Variants in RBM20 observed in about 807,000 individuals in gnomAD.
RBM20 encodes RNA binding motif protein 20, also known as RNA-binding protein 20.
In RBM20, 51 loss-of-function variants were observed where a neutral mutation model predicts 110.1. The observed-to-expected ratio is 0.46, with a 90% confidence interval of 0.37 to 0.59. The LOEUF (loss-of-function observed/expected upper bound fraction) is 0.59, where lower values mean the gene tolerates loss of function less well. RBM20 is among the 20% of genes least tolerant of loss of function. The pLI is 0.00. For synonymous variants in RBM20, 589 were observed against 618.2 expected (o/e 0.95, Z 0.70); for missense variants, 1,512 against 1,574.9 (o/e 0.96, Z 0.68).
intron 1 of RBM20, among the ~76,000 whole-genome samples, chr10:110,692,283 A>T (rs975294986): frequency 6.6e-6 from 1 of 152,124 alleles, no homozygotes; most frequent in Non-Finnish European, 1.5e-5. Context: ...GAAGTTTAGG[A>T]TAAATTTTTC....
At chr10:110,703,295 TTGACC>T in intron 1 of RBM20, among the ~76,000 whole-genome samples, 1 of 151,712 alleles carries the variant, frequency 6.6e-6, no homozygotes, top group African/African-American at 2.4e-5. Flanking sequence ...GGACAATCGC[TTGACC>T]CCAGGAGGCG....
chr10:110,728,965 T>A (rs1225317683), intron 1 of RBM20, among the ~76,000 whole-genome samples: 2 of 152,194 alleles, frequency 1.3e-5, no homozygotes, highest in Non-Finnish European at 2.9e-5. Flanking sequence ...TTGGGCAGAA[T>A]TTCTTCACTG....
chr10:110,712,626 G>A (rs1268460942), intron 1 of RBM20, among the ~76,000 whole-genome samples: 3 of 152,150 alleles, frequency 2.0e-5, no homozygotes, highest in Non-Finnish European at 2.9e-5. Flanking sequence ...AATTAGCAGG[G>A]CGTGGCAGTG....
intron 5 of RBM20, among the ~76,000 whole-genome samples, chr10:110,797,059 T>A (rs1190672650): frequency 2.0e-4 from 31 of 152,220 alleles, no homozygotes; most frequent in Admixed American, 2.0e-3. Context: ...AGTTTACAGA[T>A]ACTCAACCTC....
At position 110,761,451 on chromosome 10, in the gene RBM20, T is replaced by A. The variant is rs143873963; in HGVS notation, c.192-19350T>A. On this transcript the variant is annotated intron_variant, in intron 1 of 13. Transcript: ENST00000369519. ...ATAGTAAATGAATAGTAAATATCACTTTTTAATGGCAGCATAGTATGTCCT... is the reference window on the plus strand; with the variant it reads ...ATAGTAAATGAATAGTAAATATCACATTTTAATGGCAGCATAGTATGTCCT... Among the ~76,000 whole-genome samples, 830 of 150,960 alleles carry A rather than the reference T, an allele frequency of 5.5e-3. 6 individuals carry two copies. Among genetic ancestry groups the A allele is most frequent in the African/African-American group, 0.019 (793 of 41,068 alleles).
intron 1 of RBM20, among the ~76,000 whole-genome samples, chr10:110,763,354 A>G (rs985562371): frequency 2.4e-4 from 37 of 152,144 alleles, no homozygotes; most frequent in African/African-American, 8.2e-4. Flanking sequence ...GTAAGCCTCA[A>G]TCACTAAGTC....
intron 5 of RBM20, among the ~76,000 whole-genome samples, chr10:110,785,394 C>T (rs550285182): frequency 1.3e-5 from 2 of 152,224 alleles, no homozygotes; most frequent in South Asian, 4.2e-4. Context: ...GATCATCACA[C>T]TTTCTGGCCA....
chr10:110,801,963 A>G (rs1340433464), intron 7 of RBM20, among the ~76,000 whole-genome samples: 2 of 152,038 alleles, frequency 1.3e-5, no homozygotes, highest in African/African-American at 4.8e-5. Context: ...TTTTCAGGTC[A>G]TCTGCCCATG....
At chr10:110,769,380 C>T (rs898349627) in intron 1 of RBM20, among the ~76,000 whole-genome samples, 4 of 152,196 alleles carry the variant, frequency 2.6e-5, no homozygotes, top group Admixed American at 6.5e-5. Context: ...GAAGCTCACC[C>T]TCTGTTCTCT....
chr10:110,750,245 A>G (rs1420898651), intron 1 of RBM20, among the ~76,000 whole-genome samples: 1 of 152,256 alleles, frequency 6.6e-6, no homozygotes. Flanking sequence ...CAAAGCAACT[A>G]CCAACCTCAG....
chr10:110,728,186 C>G (rs1267493256), intron 1 of RBM20, among the ~76,000 whole-genome samples: 2 of 152,172 alleles, frequency 1.3e-5, no homozygotes, highest in Non-Finnish European at 2.9e-5. Flanking sequence ...ATTGCTGGGT[C>G]AAATGCTATT....
chr10:110,837,241 G>C lies in RBM20; in HGVS notation c.*1263G>C, dbSNP rs376304240. On this transcript the variant is annotated 3_prime_UTR_variant, in exon 14 of 14. Transcript: ENST00000369519. ...TGATACCAAAATGTTATGAAAAGTC[G>C]TGATTCCCGCTGCTCTTTCTGGTAC... 6.6e-6 allele frequency: 1 copy of C among 152,224 alleles called. No individual in the cohort carries two copies. The highest frequency in any genetic ancestry group is 1.5e-5 in the Non-Finnish European group (1 of 68,068). The allele number at this position is 152,224 out of a possible 1,614,324, so 9.4% of individuals were successfully genotyped here.
chr10:110,660,022 T>G (rs1328218272), intron 1 of RBM20, among the ~76,000 whole-genome samples: 1 of 152,004 alleles, frequency 6.6e-6, no homozygotes, highest in Non-Finnish European at 1.5e-5. Context: ...TTCACCATGT[T>G]GCTCAGTCTG....
At chr10:110,780,430 A>G (rs1844321571) in intron 1 of RBM20, among the ~76,000 whole-genome samples, 1 of 152,192 alleles carries the variant, frequency 6.6e-6, no homozygotes, top group South Asian at 2.1e-4. Flanking sequence ...ATTTTGTTAG[A>G]CTATCTTTTA....
intron 1 of RBM20, among the ~76,000 whole-genome samples, chr10:110,697,557 C>T (rs1305887943): frequency 1.3e-5 from 2 of 152,252 alleles, no homozygotes; most frequent in East Asian, 3.8e-4. Context: ...TGTTGTTTGC[C>T]ATGCAGGCAG....
chr10:110,697,398 C>A (rs1862681787), intron 1 of RBM20, among the ~76,000 whole-genome samples: 1 of 152,224 alleles, frequency 6.6e-6, no homozygotes, highest in Non-Finnish European at 1.5e-5. Flanking sequence ...GGTTTTGTTT[C>A]TTAGTTTGGG....
chr10:110,761,248 C>A (rs1201523848), intron 1 of RBM20: 1 of 151,914 alleles, frequency 6.6e-6, no homozygotes. Flanking sequence ...AGAAAACTTA[C>A]AAAAGGAAAG....
At position 110,821,650 on chromosome 10, in the gene RBM20, G is replaced by A. The variant is rs727503391; in HGVS notation, c.3031G>A (p.Ala1011Thr). ...GLNLDAERKP[A>T]ESETGLSLED... ...AAATCTGGATGCTGAGCGGAAGCCA[G>A]CTGAAAGTGAGACAGGCCTCTCCCT... Residue 1011 changes from alanine to threonine, a missense_variant, in exon 11 of 14, where the codon GCT becomes ACT. Transcript: ENST00000369519. 1.2e-5 allele frequency: 18 copies of A among 1,551,814 alleles called. No individual in the cohort carries two copies. Among genetic ancestry groups the A allele is most frequent in the Non-Finnish European group, 1.6e-5 (18 of 1,147,016 alleles).
intron 13 of RBM20, among the ~76,000 whole-genome samples, chr10:110,831,690 A>AAC (rs1564668284): frequency 2.0e-5 from 3 of 151,892 alleles, no homozygotes; most frequent in East Asian, 1.9e-4. Context: ...AAAAAAAAAA[A>AAC]ACACTGCTTT....
Sources: allele counts gnomAD v4.1 joint callset (sites outside exome capture counted in the v4.1 genomes callset), GRCh38; gene constraint gnomAD v4.1.1; transcripts MANE v1.5; gene names NCBI Gene and HGNC (gene_info 2026-07-23, HGNC 2026-07-21).